The following SDK1 variants were observed in gnomAD, a reference collection of about 807,000 sequenced individuals.
The protein encoded by SDK1 is sidekick cell adhesion molecule 1, also known as protein sidekick-1.
Under a neutral mutation model 245.5 loss-of-function variants are expected in SDK1, and 157 were observed. The observed-to-expected ratio is 0.64, with a 90% CI of 0.56 to 0.73. The LOEUF (loss-of-function observed/expected upper bound fraction) is 0.73, where lower values mean the gene tolerates loss of function less well. Ranked by LOEUF, SDK1 falls within the 30% of genes least tolerant of loss-of-function variation. SDK1 has a pLI of 0.00. For missense variants in SDK1, 3,583 were observed against 3,002.3 expected, an observed-to-expected ratio of 1.19 and a Z score of -4.52; for synonymous variants, 1,647 against 1,278.5, an observed-to-expected ratio of 1.29 and a Z score of -6.15.
intron 4 of SDK1, among the ~76,000 whole-genome samples, chr7:3,670,978 T>C (rs1026059371): frequency 1.3e-5 from 2 of 152,228 alleles, no homozygotes; most frequent in African/African-American, 4.8e-5. Context: ...CTGTAACTTT[T>C]TTTTGCCATA....
At chr7:3,341,380 T>A (rs1165267760) in intron 1 of SDK1, among the ~76,000 whole-genome samples, 2 of 152,262 alleles carry the variant, frequency 1.3e-5, no homozygotes, top group East Asian at 3.9e-4. Flanking sequence ...AACAAAAGCC[T>A]TCTCCAGCTA....
chr7:4,151,778 A>G (rs761077689), intron 30 of SDK1, among the ~76,000 whole-genome samples: 2 of 152,156 alleles, frequency 1.3e-5, no homozygotes, highest in Non-Finnish European at 2.9e-5. Context: ...TTCCCAGTTT[A>G]CACACGCAGA....
intron 1 of SDK1, among the ~76,000 whole-genome samples, chr7:3,563,916 G>A (rs192479436): frequency 2.9e-4 from 44 of 152,054 alleles, no homozygotes; most frequent in East Asian, 3.9e-4. Flanking sequence ...CCAAAAAACC[G>A]CTTGTGGTTA....
At chr7:3,994,744 T>C (rs184753619) in intron 14 of SDK1, among the ~76,000 whole-genome samples, 9 of 152,308 alleles carry the variant, frequency 5.9e-5, no homozygotes, top group African/African-American at 1.9e-4. Flanking sequence ...GTTTACCTCA[T>C]GCATTTTTAT....
At chr7:3,503,065 G>A (rs1782269427) in intron 1 of SDK1, among the ~76,000 whole-genome samples, 1 of 152,184 alleles carries the variant, frequency 6.6e-6, no homozygotes, top group South Asian at 2.1e-4. Context: ...ATTAGCTAAT[G>A]TTTTAGATTA....
chr7:3,385,778 C>T (rs991138192), intron 1 of SDK1, among the ~76,000 whole-genome samples: 6 of 152,050 alleles, frequency 3.9e-5, no homozygotes, highest in Admixed American at 1.3e-4. Flanking sequence ...TATTTTGTGG[C>T]GATTAGTAAG....
intron 35 of SDK1, among the ~76,000 whole-genome samples, chr7:4,198,856 C>T (rs1178448090): frequency 6.6e-6 from 1 of 151,080 alleles, no homozygotes; most frequent in Non-Finnish European, 1.5e-5. Flanking sequence ...CTTTGTCGCC[C>T]AGGCTGGAGT....
chr7:3,926,071 A>T (rs985113994), intron 5 of SDK1, among the ~76,000 whole-genome samples: 1 of 152,304 alleles, frequency 6.6e-6, no homozygotes, highest in Non-Finnish European at 1.5e-5. Context: ...AGTGTCACCT[A>T]TGCAGAGTCA....
At chr7:3,965,654 T>G (rs576006267) in intron 9 of SDK1, among the ~76,000 whole-genome samples, 80 of 152,262 alleles carry the variant, frequency 5.3e-4, no homozygotes, top group African/African-American at 1.9e-3. Context: ...GTGAGGTTCC[T>G]GTGCTTCCAG....
intron 4 of SDK1, among the ~76,000 whole-genome samples, chr7:3,726,321 G>A (rs145062140): frequency 3.9e-5 from 6 of 152,330 alleles, no homozygotes; most frequent in Non-Finnish European, 8.8e-5. Context: ...TGTGAAGAAC[G>A]AAGTTAGTGC....
intron 1 of SDK1, among the ~76,000 whole-genome samples, chr7:3,504,143 C>A (rs1242285935): frequency 6.9e-6 from 1 of 144,614 alleles, no homozygotes; most frequent in Non-Finnish European, 1.5e-5. Flanking sequence ...GAGCGAGACT[C>A]CTTCTCAAAA....
intron 1 of SDK1, among the ~76,000 whole-genome samples, chr7:3,485,440 T>C (rs1427977591): frequency 6.6e-6 from 1 of 152,068 alleles, no homozygotes; most frequent in African/African-American, 2.4e-5. Context: ...AGTCCCACAC[T>C]CACTTTGCTT....
intron 1 of SDK1, among the ~76,000 whole-genome samples, chr7:3,495,633 A>C (rs1782000959): frequency 6.6e-6 from 1 of 152,234 alleles, no homozygotes; most frequent in Admixed American, 6.5e-5. Context: ...TCTTAAAAAC[A>C]AAAGTAATGA....
At chr7:3,349,710 C>A (rs968845986) in intron 1 of SDK1, among the ~76,000 whole-genome samples, 1 of 152,210 alleles carries the variant, frequency 6.6e-6, no homozygotes, top group African/African-American at 2.4e-5. Flanking sequence ...CGCCCTTCTC[C>A]TGCCTCAGCC....
chr7:3,312,327 G>A (rs1414394489), intron 1 of SDK1, among the ~76,000 whole-genome samples: 1 of 152,150 alleles, frequency 6.6e-6, no homozygotes, highest in African/African-American at 2.4e-5. Context: ...TGCTATAGAT[G>A]AGCTTGCAAT....
At chr7:4,031,712 T>G (rs1211813753) in intron 17 of SDK1, among the ~76,000 whole-genome samples, 1 of 150,048 alleles carries the variant, frequency 6.7e-6, no homozygotes, top group Non-Finnish European at 1.5e-5. Flanking sequence ...GAAGTGAAAT[T>G]TATTGATTAT....
At chr7:3,334,691 A>G (rs1562421385) in intron 1 of SDK1, among the ~76,000 whole-genome samples, 2 of 151,952 alleles carry the variant, frequency 1.3e-5, no homozygotes, top group African/African-American at 2.4e-5. Flanking sequence ...CCTTCGTTGA[A>G]TCTTCCCTTC....
At chr7:3,894,847 T>G (rs969042325) in intron 5 of SDK1, among the ~76,000 whole-genome samples, 24 of 151,184 alleles carry the variant, frequency 1.6e-4, no homozygotes, top group Admixed American at 1.6e-3. Flanking sequence ...CGTGCCACCA[T>G]GCCTGGCTAA....
At chr7:3,627,207 G>A (rs1782149072) in intron 2 of SDK1, among the ~76,000 whole-genome samples, 1 of 152,144 alleles carries the variant, frequency 6.6e-6, no homozygotes, top group Non-Finnish European at 1.5e-5. Flanking sequence ...GAGATTACAG[G>A]CGTGAGCTGC....
Sources: allele counts gnomAD v4.1 joint callset (sites outside exome capture counted in the v4.1 genomes callset), GRCh38; gene constraint gnomAD v4.1.1; transcripts MANE v1.5; gene names NCBI Gene and HGNC (gene_info 2026-07-23, HGNC 2026-07-21).